Variants in CSMD1 observed in about 807,000 individuals in gnomAD.
CSMD1 encodes the protein CUB and sushi domain-containing protein 1.
CSMD1 carries 213 observed loss-of-function variants against 417.5 expected under a neutral mutation model. The ratio of observed to expected loss-of-function variants is 0.51; its 90% CI spans 0.46 to 0.57. CSMD1 has a LOEUF of 0.57. Ranked by LOEUF, CSMD1 falls within the 20% of genes least tolerant of loss-of-function variation. The probability of loss-of-function intolerance (pLI) is 0.00; values close to 1 mark genes in which losing one functional copy is unlikely to be tolerated. For missense variants in CSMD1, 6,923 were observed against 4,529.7 expected, an observed-to-expected ratio of 1.53 and a Z score of -15.17; for synonymous variants, 2,862 against 1,736.8, an observed-to-expected ratio of 1.65 and a Z score of -16.11.
rs184604512 is a variant in CSMD1, at chr8:3,589,519, A to G, written c.1098-3259T>C. Among the ~76,000 whole-genome samples the G allele has an allele frequency of 3.6e-4, 55 of 152,232 alleles. 1 individual carries two copies. Among genetic ancestry groups the G allele is most frequent in the Admixed American group, 2.6e-3 (40 of 15,292 alleles). Reference sequence around the variant, plus strand: ...GGGGAAATTATGCTAAGTAAAATGAACCAGGCACAGAAAGACAAGTACTGC... The same window carrying G: ...GGGGAAATTATGCTAAGTAAAATGAGCCAGGCACAGAAAGACAAGTACTGC... On this transcript the variant is annotated intron_variant, in intron 8 of 69. Coordinates refer to ENST00000635120, the MANE Select transcript of CSMD1 (RefSeq NM_033225.6).
intron 12 of CSMD1, among the ~76,000 whole-genome samples, chr8:3,418,936 C>A (rs1048499530): frequency 6.6e-6 from 1 of 152,152 alleles, no homozygotes; most frequent in Non-Finnish European, 1.5e-5. Flanking sequence ...GAAAGGTATG[C>A]ATAATGCAAT....
chr8:3,869,090 G>C (rs752995337), intron 5 of CSMD1, among the ~76,000 whole-genome samples: 2 of 152,178 alleles, frequency 1.3e-5, no homozygotes. Context: ...TAGGGACCTG[G>C]TGTCTAGTGT....
At chr8:4,768,402 C>G (rs1253223735) in intron 1 of CSMD1, among the ~76,000 whole-genome samples, 1 of 152,190 alleles carries the variant, frequency 6.6e-6, no homozygotes, top group African/African-American at 2.4e-5. Context: ...TCCTTCCATA[C>G]AGTCTGCCGG....
intron 11 of CSMD1, among the ~76,000 whole-genome samples, chr8:3,487,342 C>G (rs1194188321): frequency 6.6e-6 from 1 of 152,116 alleles, no homozygotes; most frequent in African/African-American, 2.4e-5. Flanking sequence ...GATGGGACTA[C>G]AGGCGCCCGC....
chr8:3,235,082 T>C lies in CSMD1; in HGVS notation c.4154-4851A>G, dbSNP rs528392464. Among the ~76,000 whole-genome samples the C allele has an allele frequency of 1.2e-3, 189 of 152,318 alleles. 1 individual carries two copies. The highest frequency in any genetic ancestry group is 4.4e-3 in the African/African-American group (183 of 41,576). ...TTGCAAGTGATAATTTCTGTCACAG[T>C]TTATATAGGTTAAAAAATTAACAAT... On this transcript the variant is annotated intron_variant, in intron 26 of 69. Coordinates refer to ENST00000635120, the MANE Select transcript of CSMD1 (RefSeq NM_033225.6).
chr8:4,461,576 T>C (rs1799821965), intron 2 of CSMD1, among the ~76,000 whole-genome samples: 1 of 149,762 alleles, frequency 6.7e-6, no homozygotes, highest in African/African-American at 2.5e-5. Context: ...TGTTGGGGGA[T>C]ACATCATCCC....
At chr8:3,621,059 A>T (rs1476868333) in intron 7 of CSMD1, among the ~76,000 whole-genome samples, 3 of 152,194 alleles carry the variant, frequency 2.0e-5, no homozygotes, top group Non-Finnish European at 4.4e-5. Flanking sequence ...TACATAAAGG[A>T]AAGTCCATGT....
intron 3 of CSMD1, among the ~76,000 whole-genome samples, chr8:4,368,334 A>T (rs1441484881): frequency 6.6e-6 from 1 of 152,194 alleles, no homozygotes; most frequent in Admixed American, 6.6e-5. Context: ...ACAGGTATAC[A>T]GCCTACTTTA....
At chr8:3,583,054 G>A (rs1800448771) in intron 9 of CSMD1, among the ~76,000 whole-genome samples, 1 of 152,092 alleles carries the variant, frequency 6.6e-6, no homozygotes, top group Non-Finnish European at 1.5e-5. Context: ...CCCTTACAGA[G>A]CAACTCCTGC....
At chr8:4,011,533 G>A (rs1262197427) in intron 4 of CSMD1, among the ~76,000 whole-genome samples, 1 of 152,090 alleles carries the variant, frequency 6.6e-6, no homozygotes, top group Non-Finnish European at 1.5e-5. Flanking sequence ...GTTTCCTGCA[G>A]AAGGCCCACA....
intron 2 of CSMD1, among the ~76,000 whole-genome samples, chr8:4,448,959 C>G (rs1798973897): frequency 6.6e-6 from 1 of 152,156 alleles, no homozygotes; most frequent in African/African-American, 2.4e-5. Context: ...ACCTGTTTCT[C>G]TTCTGGATCC....
chr8:3,902,701 G>T (rs1239524587), intron 5 of CSMD1, among the ~76,000 whole-genome samples: 1 of 152,070 alleles, frequency 6.6e-6, no homozygotes, highest in East Asian at 1.9e-4. Context: ...ACAGGCTGTG[G>T]ACTGGTACCA....
intron 7 of CSMD1, among the ~76,000 whole-genome samples, chr8:3,656,156 G>A (rs545640495): frequency 3.3e-5 from 5 of 152,286 alleles, no homozygotes; most frequent in Non-Finnish European, 1.5e-5. Context: ...TTTAGGAAGG[G>A]CTGTATGTAC....
intron 18 of CSMD1, among the ~76,000 whole-genome samples, chr8:3,386,658 G>C (rs1811021104): frequency 6.6e-6 from 1 of 152,174 alleles, no homozygotes; most frequent in South Asian, 2.1e-4. Context: ...TATTGAAGAT[G>C]TAAATGAAAT....
intron 3 of CSMD1, among the ~76,000 whole-genome samples, chr8:4,040,198 C>T (rs770880184): frequency 6.6e-5 from 10 of 152,240 alleles, no homozygotes; most frequent in Non-Finnish European, 1.3e-4. Flanking sequence ...AGGAGAAGGA[C>T]ATCGTAGTTT....
chr8:3,219,394 T>G lies in CSMD1; in HGVS notation c.4533A>C (p.Glu1511Asp). 1 of 1,562,726 alleles carries G rather than the reference T, an allele frequency of 6.4e-7. No homozygotes were observed. The highest frequency in any genetic ancestry group is 1.4e-5 in the African/African-American group (1 of 73,554). The part of the protein sequence containing the change: ...SYDFLHIYEG[E>D]DSNSPLIGSY... ...TCCCAATGAGGGGGCTGTTGGAATC[T>G]TCCCCTTCATAGATGTGTAGGAAGT... Residue 1511 changes from glutamate (E) to aspartate (D), a missense_variant, in exon 29 of 70, where the codon GAA (glutamate) becomes GAC (aspartate). Physicochemically the swap from Glu to Asp is conservative, Grantham distance 45 (BLOSUM62 2). Transcript: ENST00000635120.
intron 3 of CSMD1, among the ~76,000 whole-genome samples, chr8:4,256,850 G>A (rs968540921): frequency 6.6e-6 from 1 of 152,192 alleles, no homozygotes; most frequent in Non-Finnish European, 1.5e-5. Flanking sequence ...CCCTCCAAGA[G>A]TCACCATCGC....
At chr8:4,707,641 C>A (rs894867900) in intron 1 of CSMD1, among the ~76,000 whole-genome samples, 1 of 151,970 alleles carries the variant, frequency 6.6e-6, no homozygotes, top group Non-Finnish European at 1.5e-5. Flanking sequence ...AATCCCAGCA[C>A]TTTGGGAGGC....
intron 3 of CSMD1, among the ~76,000 whole-genome samples, chr8:4,271,896 G>A (rs1251646343): frequency 6.6e-6 from 1 of 152,246 alleles, no homozygotes; most frequent in South Asian, 2.1e-4. Flanking sequence ...GGTGTCCACA[G>A]GGGATTGGTT....
Sources: gnomAD v4.1 joint callset for allele counts (sites outside exome capture counted in the v4.1 genomes callset) on GRCh38, gnomAD v4.1.1 for gene constraint, MANE v1.5 for transcripts, NCBI Gene and HGNC (gene_info 2026-07-23, HGNC 2026-07-21) for gene names.